The following CTNND2 variants were observed in gnomAD, a reference collection of about 807,000 sequenced individuals.
CTNND2 encodes the protein catenin delta 2.
Under a neutral mutation model 144.4 loss-of-function variants are expected in CTNND2, and 22 were observed. The ratio of observed to expected loss-of-function variants is 0.15; its 90% confidence interval spans 0.11 to 0.22. CTNND2 has a LOEUF of 0.22. CTNND2 is among the 10% of genes least tolerant of loss of function. The pLI, the probability that CTNND2 is intolerant of heterozygous loss-of-function variation, is 1.00. For synonymous variants in CTNND2, 751 were observed against 695.6 expected (o/e 1.08, Z -1.25); for missense variants, 1,353 against 1,618.8 (o/e 0.84, Z 2.82).
Position 11,371,201 on chromosome 5 carries a change from T to G in CTNND2, c.1178-6311A>C, listed in dbSNP as rs958748198. Among the ~76,000 whole-genome samples the G allele has an allele frequency of 2.0e-4, 30 of 152,250 alleles. 1 individual carries two copies. Among genetic ancestry groups the G allele is most frequent in the Non-Finnish European group, 2.9e-5 (2 of 68,048 alleles). On this transcript the variant is annotated intron_variant, in intron 7 of 21. Coordinates refer to ENST00000304623, the MANE Select transcript of CTNND2 (RefSeq NM_001332.4). The stretch of plus-strand genomic sequence containing the variant: ...TAGTCAGCCTGTACTCTATGATAGT[T>G]GATGGCTTTGAAATAGCTATTTTCT...
rs536945639 is a variant in CTNND2, at chr5:11,087,066, T to C, written c.2638-4220A>G. Among the ~76,000 whole-genome samples, 4 of 152,370 alleles carry C rather than the reference T, an allele frequency of 2.6e-5. No homozygotes were observed. The South Asian group carries it at 8.3e-4, about 32-fold the overall frequency. The stretch of plus-strand genomic sequence containing the variant: ...AGTATAGTCTGCAATTAAATGATTT[T>C]CAGTTAAATAATCATTTGTGCATTA... On this transcript the variant is annotated intron_variant, in intron 15 of 21. Coordinates refer to ENST00000304623, the MANE Select transcript of CTNND2 (RefSeq NM_001332.4).
chr5:11,270,204 T>C (rs570106330), intron 9 of CTNND2, among the ~76,000 whole-genome samples: 17 of 152,246 alleles, frequency 1.1e-4, no homozygotes, highest in Admixed American at 9.8e-4. Flanking sequence ...ACAAAATGTG[T>C]GAGCATGTTA....
chr5:11,101,236 A>T (rs77986037), intron 14 of CTNND2, among the ~76,000 whole-genome samples: 28,898 of 152,220 alleles, frequency 0.19, 3,321 homozygotes, highest in Middle Eastern at 0.3. Flanking sequence ...GAAAAGTATC[A>T]TAAGTTAATA....
intron 10 of CTNND2, among the ~76,000 whole-genome samples, chr5:11,231,196 C>T (rs1010664130): frequency 1.1e-4 from 17 of 152,138 alleles, no homozygotes; most frequent in African/African-American, 3.6e-4. Flanking sequence ...GAGGCATCTC[C>T]AGTCCTGTGA....
chr5:11,670,814 C>G (rs769247035), intron 2 of CTNND2, among the ~76,000 whole-genome samples: 1 of 152,072 alleles, frequency 6.6e-6, no homozygotes, highest in South Asian at 2.1e-4. Context: ...TTGATCCTGT[C>G]ATTATGATAT....
intron 1 of CTNND2, among the ~76,000 whole-genome samples, chr5:11,766,927 ATC>A (rs1789625537): frequency 6.6e-6 from 1 of 152,114 alleles, no homozygotes; most frequent in South Asian, 2.1e-4. Flanking sequence ...AAACTGATTG[ATC>A]TCTGTACCAT....
intron 12 of CTNND2, among the ~76,000 whole-genome samples, chr5:11,127,698 G>A (rs1328953050): frequency 1.3e-5 from 2 of 152,144 alleles, no homozygotes; most frequent in African/African-American, 2.4e-5. Context: ...ATCACTGCAT[G>A]TTGGGAGCAG....
rs562248035 is a variant in CTNND2 at position 11,897,581 on chromosome 5, C to T, written c.37+6236G>A. ...TGTCTAATTCTCACCACTTACAAAG[C>T]GATCCAATTATTGGCAGTTAAAGAA... On this transcript the variant is annotated intron_variant, in intron 1 of 21. Transcript: ENST00000304623. Among the ~76,000 whole-genome samples the T allele has an allele frequency of 3.3e-5, 5 of 152,192 alleles. No individual in the cohort carries two copies. In the South Asian group the frequency reaches 6.2e-4, roughly 19 times the overall value.
intron 9 of CTNND2, among the ~76,000 whole-genome samples, chr5:11,331,116 C>T (rs1343559847): frequency 1.3e-5 from 2 of 152,176 alleles, no homozygotes; most frequent in African/African-American, 4.8e-5. Flanking sequence ...TTTACTGCAG[C>T]ATAGATGTTA....
chr5:11,763,142 T>C (rs888548188), intron 1 of CTNND2, among the ~76,000 whole-genome samples: 4 of 152,200 alleles, frequency 2.6e-5, no homozygotes, highest in African/African-American at 4.8e-5. Context: ...AGATGGTACA[T>C]GCTTCCCCTT....
At chr5:11,869,532 T>C (rs1054652200) in intron 1 of CTNND2, among the ~76,000 whole-genome samples, 4 of 152,172 alleles carry the variant, frequency 2.6e-5, no homozygotes, top group Non-Finnish European at 5.9e-5. Flanking sequence ...GCCAAATTCA[T>C]AAAGACAGGA....
intron 6 of CTNND2, among the ~76,000 whole-genome samples, chr5:11,386,413 C>T (rs1430713019): frequency 1.3e-5 from 2 of 152,146 alleles, no homozygotes; most frequent in South Asian, 2.1e-4. Context: ...CCTCTCTACC[C>T]GTTCTGGAAT....
At chr5:11,283,314 T>C (rs1453154581) in intron 9 of CTNND2, among the ~76,000 whole-genome samples, 3 of 152,002 alleles carry the variant, frequency 2.0e-5, no homozygotes, top group Admixed American at 6.6e-5. Flanking sequence ...TTCTATGGTA[T>C]AAGGAGTGTC....
At chr5:11,035,435 C>T (rs1353447659) in intron 16 of CTNND2, among the ~76,000 whole-genome samples, 2 of 152,188 alleles carry the variant, frequency 1.3e-5, no homozygotes, top group African/African-American at 4.8e-5. Flanking sequence ...CATTTGCCTC[C>T]AGCTGCTCCC....
intron 5 of CTNND2, among the ~76,000 whole-genome samples, chr5:11,402,073 T>C (rs148148308): frequency 5.8e-4 from 88 of 152,240 alleles, no homozygotes; most frequent in African/African-American, 1.9e-3. Context: ...AGCTTTCATC[T>C]TACAAACAAA....
At chr5:11,484,008 C>G (rs999181297) in intron 3 of CTNND2, among the ~76,000 whole-genome samples, 34 of 152,332 alleles carry the variant, frequency 2.2e-4, no homozygotes, top group Non-Finnish European at 4.1e-4. Flanking sequence ...TCCCAGTCAA[C>G]AATAGAGGCA....
chr5:11,475,502 T>A (rs532514133), intron 3 of CTNND2, among the ~76,000 whole-genome samples: 1 of 152,190 alleles, frequency 6.6e-6, no homozygotes, highest in Non-Finnish European at 1.5e-5. Context: ...TCTCAAGGAA[T>A]TTAGGGAAAT....
At chr5:11,811,027 A>G (rs1468205450) in intron 1 of CTNND2, among the ~76,000 whole-genome samples, 1 of 152,210 alleles carries the variant, frequency 6.6e-6, no homozygotes, top group East Asian at 1.9e-4. Flanking sequence ...TCATCTTAAA[A>G]GTGAAATATT....
intron 9 of CTNND2, among the ~76,000 whole-genome samples, chr5:11,321,750 C>G (rs538880427): frequency 6.6e-6 from 1 of 152,236 alleles, no homozygotes; most frequent in East Asian, 1.9e-4. Flanking sequence ...ACACATCACA[C>G]ACACACAAAC....
Sources: gnomAD v4.1 joint callset for allele counts (sites outside exome capture counted in the v4.1 genomes callset) on GRCh38, gnomAD v4.1.1 for gene constraint, MANE v1.5 for transcripts, NCBI Gene and HGNC (gene_info 2026-07-23, HGNC 2026-07-21) for gene names.